Variants in SLC26A4 observed in about 807,000 individuals in gnomAD.
The protein encoded by SLC26A4 is solute carrier family 26 member 4, also known as pendrin.
SLC26A4 carries 93 observed loss-of-function variants against 90.4 expected under a neutral mutation model. The observed-to-expected ratio is 1.03, with a 90% CI of 0.87 to 1.22. The LOEUF (loss-of-function observed/expected upper bound fraction) is 1.22, where lower values mean the gene tolerates loss of function less well. SLC26A4 is among the 50% of genes most tolerant of loss of function. The pLI, the probability that SLC26A4 is intolerant of heterozygous loss-of-function variation, is 0.00. For missense variants in SLC26A4, 1,127 were observed against 946.2 expected (o/e 1.19, Z -2.51); for synonymous variants, 393 against 354.6 (o/e 1.11, Z -1.22).
Position 107,691,876 on chromosome 7 carries a change from C to A in SLC26A4, c.1263+1639C>A, listed in dbSNP as rs1258719187. The A allele has an allele frequency of 3.2e-6, 4 of 1,246,130 alleles. No homozygotes were observed. In the East Asian group the frequency reaches 1.8e-4, roughly 57 times the overall value. The allele number at this position is 1,246,130 out of a possible 1,614,324, so 77.2% of individuals were successfully genotyped here. A position where few individuals can be genotyped will look rare whatever the true frequency, so the allele number is the denominator to read the frequency against. ...AGATCTGTGGTCAAGGGGAAGAGGTCAGAGCCAATTTCCAAAGCTGTGCAC... is the reference window on the plus strand; with the variant it reads ...AGATCTGTGGTCAAGGGGAAGAGGTAAGAGCCAATTTCCAAAGCTGTGCAC... On this transcript the variant is annotated intron_variant, in intron 10 of 20. Coordinates refer to ENST00000644269, the MANE Select transcript of SLC26A4 (RefSeq NM_000441.2).
At chr7:107,667,793 G>T (rs1302809165) in intron 3 of SLC26A4, among the ~76,000 whole-genome samples, 1 of 152,146 alleles carries the variant, frequency 6.6e-6, no homozygotes, top group Admixed American at 6.5e-5. Context: ...CTCCTTAAAG[G>T]CAGGAGGGAT....
chr7:107,681,811 G>T (rs974620473), intron 6 of SLC26A4, among the ~76,000 whole-genome samples: 5 of 151,724 alleles, frequency 3.3e-5, no homozygotes, highest in African/African-American at 1.2e-4. Flanking sequence ...TTGGCCAGTT[G>T]TGGTAGCTCA....
chr7:107,674,080 T>G, intron 4 of SLC26A4, 84 bp from the exon 5 acceptor site: 2 of 1,348,456 alleles, frequency 1.5e-6, no homozygotes, highest in Non-Finnish European at 2.1e-6. Context: ...GCTAAATCTT[T>G]TATACATTTT....
Position 107,679,928 on chromosome 7 carries a change from T to G in SLC26A4, c.766-3274T>G, listed in dbSNP as rs1283075424. Among the ~76,000 whole-genome samples, 34 of 140,612 alleles carry G rather than the reference T, an allele frequency of 2.4e-4. 1 individual carries two copies. Among genetic ancestry groups the G allele is most frequent in the African/African-American group, 7.5e-4 (29 of 38,794 alleles). 92.2% of individuals were successfully genotyped at this position (140,612 alleles called of 152,430 possible). A position where few individuals can be genotyped will look rare whatever the true frequency, so the allele number is the denominator to read the frequency against. On this transcript the variant is annotated intron_variant, in intron 6 of 20. Transcript: ENST00000644269. ...TATTATATGCTCTTATATAATATAA[T>G]CTTATTATATAATCTTATCTTATAT... is the stretch of plus-strand genomic sequence containing the variant.
In SLC26A4 at chr7:107,662,489, A is replaced by G. The variant is rs61422150; in HGVS notation, c.164+684A>G. Among the ~76,000 whole-genome samples, 1,302 of 152,174 alleles carry G rather than the reference A, an allele frequency of 8.6e-3. 18 individuals are homozygous for G. The highest frequency in any genetic ancestry group is 0.029 in the African/African-American group (1,184 of 41,478). On this transcript the variant is annotated intron_variant, in intron 2 of 20. Coordinates refer to ENST00000644269, the MANE Select transcript of SLC26A4 (RefSeq NM_000441.2). The stretch of plus-strand genomic sequence containing the variant: ...GTTTTTAACCCATCACTCGGCCTCA[A>G]CTGTGATCAAATCCAAGTTACTCTT...
intron 14 of SLC26A4, among the ~76,000 whole-genome samples, chr7:107,699,775 A>G (rs1038180509): frequency 6.6e-6 from 1 of 151,996 alleles, no homozygotes; most frequent in Non-Finnish European, 1.5e-5. Flanking sequence ...CTAAAAATGG[A>G]AAAATTAGCT....
chr7:107,673,378 C>T (rs151153275), intron 4 of SLC26A4, among the ~76,000 whole-genome samples: 51 of 151,538 alleles, frequency 3.4e-4, no homozygotes, highest in African/African-American at 1.2e-3. Flanking sequence ...CTTCATACTC[C>T]CTTTGCTGTT....
chr7:107,661,617 C>G lies in SLC26A4; in HGVS notation c.-3-22C>G, dbSNP rs564661815. 5.8e-6 allele frequency: 9 copies of G among 1,547,914 alleles called. No homozygotes were observed. The African/African-American group carries it at 8.1e-5, about 14-fold the overall frequency. ...CCTCGCTTACCGCGTGTCCTCCCTC[C>G]TCGCTGTCCTCTGGCTCGCAGGTCA... On this transcript the variant is annotated intron_variant, in intron 1 of 20. Coordinates refer to ENST00000644269, the MANE Select transcript of SLC26A4 (RefSeq NM_000441.2). The surrounding 1 kb of genome is among the most constrained non-coding windows in gnomAD (Gnocchi z 5.1).
chr7:107,698,033 T>G lies in SLC26A4; in HGVS notation c.1545-9T>G. 1 of 1,590,746 alleles carries G rather than the reference T, an allele frequency of 6.3e-7. No individual in the cohort carries two copies. The highest frequency in any genetic ancestry group is 8.6e-7 in the Non-Finnish European group (1 of 1,158,808). On this transcript the variant is annotated splice_polypyrimidine_tract_variant and intron_variant, in intron 13 of 20. Coordinates refer to ENST00000644269, the MANE Select transcript of SLC26A4 (RefSeq NM_000441.2). ...CAAAAAATCTTGACCTTGATATTTTTTCTTCTAGTCCTTCTTGGAATGGCC... is the reference window on the plus strand; with the variant it reads ...CAAAAAATCTTGACCTTGATATTTTGTCTTCTAGTCCTTCTTGGAATGGCC...
chr7:107,673,496 T>C (rs1790929800), intron 4 of SLC26A4, among the ~76,000 whole-genome samples: 1 of 151,962 alleles, frequency 6.6e-6, no homozygotes, highest in East Asian at 1.9e-4. Context: ...GAAATAAAAG[T>C]TGAGCGGAAC....
chr7:107,690,012 C>T, intron 9 of SLC26A4, 112 bp from the exon 10 acceptor site: 1 of 779,478 alleles, frequency 1.3e-6, no homozygotes, highest in Non-Finnish European at 2.3e-6. Flanking sequence ...ATTGGACCAC[C>T]ACGCAGAGTA....
Position 107,698,089 on chromosome 7 carries a change from A to G in SLC26A4, c.1592A>G (p.Lys531Arg), listed in dbSNP as rs111033191. 1.2e-6 allele frequency: 2 copies of G among 1,609,370 alleles called. No individual in the cohort carries two copies. Among genetic ancestry groups the G allele is most frequent in the East Asian group, 2.2e-5 (1 of 44,836 alleles). Reference sequence around the variant, plus strand: ...AGCATCCCTAGCACAGATATCTACAAAAGTACCAAGAATTACAAAAACGTA... The same window carrying G: ...AGCATCCCTAGCACAGATATCTACAGAAGTACCAAGAATTACAAAAACGTA... ...LGSIPSTDIY[K>R]STKNYKNIEE... Residue 531 changes from lysine (K) to arginine (R), a missense_variant, in exon 14 of 21, where the codon AAA becomes AGA. By Grantham distance (26) the Lys-to-Arg change is conservative (BLOSUM62 2). Transcript: ENST00000644269.
rs1417127871 is a variant in SLC26A4, at chr7:107,695,962, C to T, written c.1467C>T (p.Ser489=). Residue 489 remains serine, a synonymous_variant, in exon 13 of 21, where the codon TCC becomes TCT. Transcript: ENST00000644269. ...AVIWVFTCIV[S]IILGLDLGLL... ...TCTGGGTGTTTACGTGTATAGTGTC[C>T]ATCATTCTGGGGCTGGATCTCGGTT... 5 of 1,609,656 alleles carry T rather than the reference C, an allele frequency of 3.1e-6. No homozygotes were observed. Among genetic ancestry groups the T allele is most frequent in the Non-Finnish European group, 4.3e-6 (5 of 1,176,384 alleles).
At chr7:107,701,037 A>G in intron 15 of SLC26A4, 64 bp from the exon 16 acceptor site, 1 of 945,874 alleles carries the variant, frequency 1.1e-6, no homozygotes, top group South Asian at 1.3e-5. Flanking sequence ...TTTCCAGATA[A>G]CAGTTGCCAT....
chr7:107,712,435 T>C (rs141351609), intron 19 of SLC26A4, 104 bp from the exon 20 acceptor site: 22 of 747,876 alleles, frequency 2.9e-5, no homozygotes, highest in African/African-American at 2.9e-4. Flanking sequence ...TTCTGAAGTA[T>C]GTAAAGACAG....
intron 8 of SLC26A4, among the ~76,000 whole-genome samples, chr7:107,687,579 T>C (rs1006735088): frequency 6.6e-6 from 1 of 152,202 alleles, no homozygotes; most frequent in Non-Finnish European, 1.5e-5. Context: ...ATAACATGCC[T>C]AAAGTCATTT....
In SLC26A4 at chr7:107,662,513, T is replaced by G. The variant is rs1790589512; in HGVS notation, c.164+708T>G. Among the ~76,000 whole-genome samples, 3 of 151,800 alleles carry G rather than the reference T, an allele frequency of 2.0e-5. No homozygotes were observed. The South Asian group carries it at 6.3e-4, about 32-fold the overall frequency. Reference sequence around the variant, plus strand: ...AACTGTGATCAAATCCAAGTTACTCTTGTTTCTTGTATCTACACCTACTTG... The same window carrying G: ...AACTGTGATCAAATCCAAGTTACTCGTGTTTCTTGTATCTACACCTACTTG... On this transcript the variant is annotated intron_variant, in intron 2 of 20. Coordinates refer to ENST00000644269, the MANE Select transcript of SLC26A4 (RefSeq NM_000441.2).
chr7:107,689,527 C>T (rs1019059045), intron 9 of SLC26A4, among the ~76,000 whole-genome samples: 7 of 152,108 alleles, frequency 4.6e-5, no homozygotes, highest in South Asian at 4.2e-4. Context: ...TTATTTTTAA[C>T]GGCAGTTATA....
chr7:107,707,291 C>A (rs1792060290), intron 18 of SLC26A4, among the ~76,000 whole-genome samples: 1 of 152,208 alleles, frequency 6.6e-6, no homozygotes. Flanking sequence ...TCCATCAGTT[C>A]ATTCAGTCTC....
Sources: allele counts gnomAD v4.1 joint callset (sites outside exome capture counted in the v4.1 genomes callset), GRCh38; gene constraint gnomAD v4.1.1; non-coding constraint Gnocchi (gnomAD v3.1); transcripts MANE v1.5; gene names NCBI Gene and HGNC (gene_info 2026-07-23, HGNC 2026-07-21).